The following DCBLD2 variants were observed in gnomAD, a reference collection of about 807,000 sequenced individuals.
DCBLD2 encodes the protein discoidin, CUB and LCCL domain-containing protein 2.
DCBLD2 carries 54 observed loss-of-function variants against 86.8 expected under a neutral mutation model. That is an observed-to-expected ratio of 0.62 (90% CI 0.50 to 0.78). The LOEUF (loss-of-function observed/expected upper bound fraction) is 0.78, where lower values mean the gene tolerates loss of function less well. Ranked by LOEUF, DCBLD2 falls within the 30% of genes least tolerant of loss-of-function variation. The pLI is 0.00. For missense variants in DCBLD2, 908 were observed against 954.2 expected, an observed-to-expected ratio of 0.95 and a Z score of 0.64; for synonymous variants, 354 against 341.3, an observed-to-expected ratio of 1.04 and a Z score of -0.41.
Position 98,825,296 on chromosome 3 carries a change from G to T in DCBLD2, c.623+19C>A. The T allele has an allele frequency of 6.1e-6, 8 of 1,313,064 alleles. No homozygotes were observed. Among genetic ancestry groups the T allele is most frequent in the African/African-American group, 1.8e-5 (1 of 54,576 alleles). 81.3% of individuals were successfully genotyped at this position (1,313,064 alleles called of 1,614,324 possible). On this transcript the variant is annotated intron_variant, in intron 4 of 15. Transcript: ENST00000326840. ...CATTTAAGCAAAAAAAAAAAAAAAA[G>T]TCACAAATATAATCATACCTGAACT...
intron 12 of DCBLD2, among the ~76,000 whole-genome samples, chr3:98,810,212 T>C (rs1252856595): frequency 1.3e-5 from 2 of 152,238 alleles, no homozygotes. Context: ...TGGTCTGGGA[T>C]TCTGCCTTAG....
chr3:98,885,831 C>T (rs1172714741), intron 1 of DCBLD2, among the ~76,000 whole-genome samples: 1 of 151,436 alleles, frequency 6.6e-6, no homozygotes, highest in African/African-American at 2.4e-5. Context: ...AGCAATTTTA[C>T]CTCCCATTTG....
At chr3:98,833,983 C>A (rs1942372342) in intron 3 of DCBLD2, among the ~76,000 whole-genome samples, 1 of 152,188 alleles carries the variant, frequency 6.6e-6, no homozygotes. Flanking sequence ...TTTTCCATGA[C>A]TACTCCAGTA....
chr3:98,900,228 A>C (rs1312838542), intron 1 of DCBLD2, among the ~76,000 whole-genome samples: 1 of 152,182 alleles, frequency 6.6e-6, no homozygotes, highest in Non-Finnish European at 1.5e-5. Context: ...TTTTCTTTTT[A>C]AAAAACTCTC....
chr3:98,891,213 A>AGG (rs1340511284), intron 1 of DCBLD2, among the ~76,000 whole-genome samples: 1 of 150,922 alleles, frequency 6.6e-6, no homozygotes, highest in Non-Finnish European at 1.5e-5. Flanking sequence ...AGGGAGAGGG[A>AGG]GGGAGAGAGA....
chr3:98,799,072 C>A lies in DCBLD2; in HGVS notation c.*300G>T. 4.0e-6 allele frequency: 1 copy of A among 250,908 alleles called. No homozygotes were observed. The highest frequency in any genetic ancestry group is 7.7e-6 in the Non-Finnish European group (1 of 129,708). 15.5% of individuals were successfully genotyped at this position (250,908 alleles called of 1,614,324 possible). On this transcript the variant is annotated 3_prime_UTR_variant, in exon 16 of 16. Transcript: ENST00000326840. The stretch of plus-strand genomic sequence containing the variant: ...GTACCTGCAGCATTGGTAATAAATA[C>A]TCTGTGATTTTTAATTTCTCTGAAG...
At chr3:98,900,892 C>A in intron 1 of DCBLD2, 1 of 681,976 alleles carries the variant, frequency 1.5e-6, no homozygotes, top group Non-Finnish European at 2.4e-6. Context: ...CTCACGTCCC[C>A]CTTTCAGAAA....
chr3:98,830,073 T>C (rs1942293572), intron 3 of DCBLD2, among the ~76,000 whole-genome samples: 1 of 151,960 alleles, frequency 6.6e-6, no homozygotes, highest in African/African-American at 2.4e-5. Context: ...GTTCTTTACC[T>C]GCTTTTTAAT....
intron 14 of DCBLD2, 91 bp downstream of exon 14, chr3:98,801,509 G>T: frequency 1.0e-6 from 1 of 995,816 alleles, no homozygotes. Context: ...AGTTCACCTG[G>T]GCCAGAGAAT....
intron 1 of DCBLD2, among the ~76,000 whole-genome samples, chr3:98,898,310 A>C (rs1178618533): frequency 6.6e-6 from 1 of 151,562 alleles, no homozygotes; most frequent in African/African-American, 2.4e-5. Context: ...TATGACATTA[A>C]TTGGAATGAA....
chr3:98,842,113 T>C (rs1485316306), intron 3 of DCBLD2, among the ~76,000 whole-genome samples: 1 of 152,208 alleles, frequency 6.6e-6, no homozygotes, highest in Non-Finnish European at 1.5e-5. Flanking sequence ...TATTATTTAC[T>C]AGAAATAAGA....
intron 3 of DCBLD2, among the ~76,000 whole-genome samples, chr3:98,825,643 T>TTATATTTA (rs1942202945): frequency 8.7e-6 from 1 of 115,100 alleles, no homozygotes; most frequent in East Asian, 4.0e-4. Flanking sequence ...ATATGTGTAT[T>TTATATTTA]TATATATATA....
intron 2 of DCBLD2, among the ~76,000 whole-genome samples, chr3:98,869,215 C>A (rs894219384): frequency 5.3e-5 from 8 of 152,132 alleles, no homozygotes; most frequent in Admixed American, 1.3e-4. Context: ...TGATGTTGAG[C>A]ATTTTTCATA....
chr3:98,894,474 G>A (rs537730291), intron 1 of DCBLD2, among the ~76,000 whole-genome samples: 2 of 152,170 alleles, frequency 1.3e-5, no homozygotes, highest in Non-Finnish European at 2.9e-5. Context: ...GGCTGTCACG[G>A]TTGTTAAGGA....
chr3:98,816,205 A>G (rs1227150423), intron 9 of DCBLD2: 9 of 151,392 alleles, frequency 5.9e-5, no homozygotes, highest in Non-Finnish European at 7.4e-5. Context: ...GCCAGCAAAC[A>G]GCAGACAACG....
intron 2 of DCBLD2, among the ~76,000 whole-genome samples, chr3:98,864,547 C>G (rs1943107831): frequency 6.6e-6 from 1 of 152,178 alleles, no homozygotes; most frequent in Non-Finnish European, 1.5e-5. Flanking sequence ...AGTTCATGTC[C>G]TTTGTAGGGA....
chr3:98,855,889 T>C (rs1942923060), intron 2 of DCBLD2, among the ~76,000 whole-genome samples: 2 of 152,206 alleles, frequency 1.3e-5, no homozygotes, highest in Admixed American at 1.3e-4. Context: ...AGCTTCACAT[T>C]CTATTTCTTA....
chr3:98,873,823 A>G (rs1005013435), intron 2 of DCBLD2, among the ~76,000 whole-genome samples: 1 of 152,300 alleles, frequency 6.6e-6, no homozygotes, highest in South Asian at 2.1e-4. Context: ...AATTTAACAG[A>G]ATAGGCATGC....
Position 98,823,310 on chromosome 3 carries a change from G to A in DCBLD2, c.624-569C>T, listed in dbSNP as rs143104930. Among the ~76,000 whole-genome samples the A allele has an allele frequency of 9.9e-5, 15 of 152,194 alleles. 1 individual carries two copies. In the South Asian group the frequency reaches 2.7e-3, roughly 27 times the overall value. On this transcript the variant is annotated intron_variant, in intron 4 of 15. Transcript: ENST00000326840. ...TTATTTTATTTCATAATGAATGGTA[G>A]ACATGTTTCTACTATAAAACCTACT...
Sources: allele counts gnomAD v4.1 joint callset (sites outside exome capture counted in the v4.1 genomes callset), GRCh38; gene constraint gnomAD v4.1.1; transcripts MANE v1.5; gene names NCBI Gene and HGNC (gene_info 2026-07-23, HGNC 2026-07-21).